PPFIA2: variants seen among roughly 807,000 people sequenced by gnomAD.
The protein encoded by PPFIA2 is liprin-alpha-2.
A neutral mutation model predicts 175.5 loss-of-function variants in PPFIA2; 46 were observed. That is an observed-to-expected ratio of 0.26 (90% CI 0.21 to 0.34). The LOEUF is 0.34. PPFIA2 is among the 10% of genes least tolerant of loss of function. PPFIA2 has a pLI of 1.00. For synonymous variants in PPFIA2, 568 were observed against 511.4 expected (o/e 1.11, Z -1.49); for missense variants, 1,179 against 1,506.1 (o/e 0.78, Z 3.60).
At chr12:81,361,658 T>C (rs889438231) in intron 15 of PPFIA2, among the ~76,000 whole-genome samples, 1 of 151,680 alleles carries the variant, frequency 6.6e-6, no homozygotes, top group African/African-American at 2.4e-5. Flanking sequence ...CAGATATTCA[T>C]TTATTCATTC....
intron 28 of PPFIA2, among the ~76,000 whole-genome samples, chr12:81,269,960 G>A (rs956535048): frequency 6.6e-6 from 1 of 151,946 alleles, no homozygotes; most frequent in Non-Finnish European, 1.5e-5. Context: ...ACAACACATC[G>A]GGTACAGGGT....
chr12:81,530,141 T>C (rs2064311314), intron 4 of PPFIA2, among the ~76,000 whole-genome samples: 1 of 151,992 alleles, frequency 6.6e-6, no homozygotes, highest in African/African-American at 2.4e-5. Flanking sequence ...CATTCCTTCA[T>C]GCATTGTCTG....
intron 22 of PPFIA2, among the ~76,000 whole-genome samples, chr12:81,310,185 C>T (rs2050414925): frequency 6.6e-6 from 1 of 152,006 alleles, no homozygotes; most frequent in African/African-American, 2.4e-5. Flanking sequence ...TTAGTAAGTA[C>T]AAAGAATATG....
In PPFIA2 at chr12:81,284,323, G is replaced by T. The variant is rs780257334; in HGVS notation, c.2926-20C>A. The stretch of plus-strand genomic sequence containing the variant: ...TGAAGGCTAGTGAGGAGGCCCAGAG[G>T]GAAGCAGAGGAATCCATGGGAGGCA... On this transcript the variant is annotated intron_variant, in intron 24 of 32. Coordinates refer to ENST00000549396, the MANE Select transcript of PPFIA2 (RefSeq NM_003625.5). 1.3e-6 allele frequency: 2 copies of T among 1,529,762 alleles called. No individual in the cohort carries two copies. The highest frequency in any genetic ancestry group is 2.3e-5 in the South Asian group (2 of 86,460). The allele number at this position is 1,529,762 out of a possible 1,614,324, so 94.8% of individuals were successfully genotyped here.
At chr12:81,709,237 T>A (rs1270519954) in intron 3 of PPFIA2, among the ~76,000 whole-genome samples, 1 of 152,112 alleles carries the variant, frequency 6.6e-6, no homozygotes, top group Non-Finnish European at 1.5e-5. Flanking sequence ...CATAAATGGC[T>A]CCTTTTCATT....
chr12:81,608,952 A>G (rs1440136289), intron 4 of PPFIA2, among the ~76,000 whole-genome samples: 1 of 151,926 alleles, frequency 6.6e-6, no homozygotes, highest in Non-Finnish European at 1.5e-5. Context: ...CCCTCTTAAC[A>G]TTGCTTCAGT....
intron 3 of PPFIA2, among the ~76,000 whole-genome samples, chr12:81,749,681 C>T (rs1341700682): frequency 2.8e-5 from 4 of 143,930 alleles, no homozygotes; most frequent in Non-Finnish European, 4.7e-5. Flanking sequence ...AAAACAAATG[C>T]AAGTAATTCC....
chr12:81,334,968 T>C lies in PPFIA2; in HGVS notation c.2548+4212A>G, dbSNP rs141592389. On this transcript the variant is annotated intron_variant, in intron 21 of 32. Transcript: ENST00000549396. ...GTGTGTTACCATCCTCTGGAATTGC[T>C]TTGACAGTACACAGCCTTTGGTGTC... Among the ~76,000 whole-genome samples the C allele has an allele frequency of 2.8e-3, 421 of 152,352 alleles. 1 individual carries two copies. The highest frequency in any genetic ancestry group is 9.8e-3 in the African/African-American group (407 of 41,590).
chr12:81,496,370 A>G (rs1045714706), intron 4 of PPFIA2, among the ~76,000 whole-genome samples: 1 of 152,184 alleles, frequency 6.6e-6, no homozygotes, highest in Admixed American at 6.6e-5. Flanking sequence ...ATTGCAGAAA[A>G]TTGCCAATAT....
intron 4 of PPFIA2, chr12:81,512,478 T>G (rs1475715779): frequency 2.5e-6 from 1 of 396,874 alleles, no homozygotes; most frequent in Admixed American, 5.4e-5. Flanking sequence ...TCATTAGTTT[T>G]TATTGCACTT....
At chr12:81,427,726 C>CTT (rs1245997709) in intron 7 of PPFIA2, among the ~76,000 whole-genome samples, 1 of 151,978 alleles carries the variant, frequency 6.6e-6, no homozygotes, top group African/African-American at 2.4e-5. Context: ...CAACTAATAA[C>CTT]TAATGTTTAC....
chr12:81,406,754 A>G lies in PPFIA2; in HGVS notation c.646-851T>C, dbSNP rs2043007493. ...ATTCCATGGCATATTTTATTGTATT[A>G]TCAACTCAGATAGTAGTCAATATTA... On this transcript the variant is annotated intron_variant, in intron 7 of 32. Coordinates refer to ENST00000549396, the MANE Select transcript of PPFIA2 (RefSeq NM_003625.5). 4.6e-5 allele frequency among the ~76,000 whole-genome samples: 7 copies of G among 152,218 alleles called. No individual in the cohort carries two copies. The South Asian group carries it at 1.5e-3, about 32-fold the overall frequency.
chr12:81,677,708 G>A (rs117614217), intron 3 of PPFIA2, among the ~76,000 whole-genome samples: 3,614 of 151,952 alleles, frequency 0.024, 67 homozygotes, highest in Non-Finnish European at 0.04. Flanking sequence ...TACACATAGA[G>A]TATAAAAATA....
intron 4 of PPFIA2, among the ~76,000 whole-genome samples, chr12:81,572,976 CA>C (rs2072842035): frequency 6.6e-6 from 1 of 151,268 alleles, no homozygotes; most frequent in Non-Finnish European, 1.5e-5. Context: ...TATTTTAATG[CA>C]ACAAAGAAAG....
Position 81,599,730 on chromosome 12 carries a change from G to T in PPFIA2, c.303+77061C>A, listed in dbSNP as rs557693587. 4.6e-5 allele frequency among the ~76,000 whole-genome samples: 7 copies of T among 151,984 alleles called. No homozygotes were observed. In the East Asian group the frequency reaches 1.4e-3, roughly 29 times the overall value. On this transcript the variant is annotated intron_variant, in intron 4 of 32. Transcript: ENST00000549396. ...CTTTGTATTTTAGGTTCAAATTCAGGATACCATATTTACTTAGTTGTCATG... is the reference window on the plus strand; with the variant it reads ...CTTTGTATTTTAGGTTCAAATTCAGTATACCATATTTACTTAGTTGTCATG...
At chr12:81,753,123 T>C (rs941151555) in intron 3 of PPFIA2, among the ~76,000 whole-genome samples, 3 of 151,936 alleles carry the variant, frequency 2.0e-5, no homozygotes, top group African/African-American at 7.2e-5. Context: ...TTAGTAGAGA[T>C]GGGGTTTCAC....
intron 27 of PPFIA2, among the ~76,000 whole-genome samples, chr12:81,277,993 A>G (rs920400754): frequency 4.6e-5 from 7 of 152,218 alleles, no homozygotes; most frequent in African/African-American, 1.7e-4. Context: ...TCCTTAAAGT[A>G]TCAAGTAGCA....
At chr12:81,326,800 T>A (rs1320273490) in intron 21 of PPFIA2, among the ~76,000 whole-genome samples, 1 of 152,056 alleles carries the variant, frequency 6.6e-6, no homozygotes, top group African/African-American at 2.4e-5. Context: ...AGGTATATAC[T>A]TTTTTTAATA....
At chr12:81,392,183 G>A (rs1057461886) in intron 8 of PPFIA2, among the ~76,000 whole-genome samples, 1 of 151,874 alleles carries the variant, frequency 6.6e-6, no homozygotes, top group African/African-American at 2.4e-5. Flanking sequence ...CATATTCTTT[G>A]AATGGATTGA....
Sources: gnomAD v4.1 joint callset for allele counts (sites outside exome capture counted in the v4.1 genomes callset) on GRCh38, gnomAD v4.1.1 for gene constraint, MANE v1.5 for transcripts, NCBI Gene and HGNC (gene_info 2026-07-23, HGNC 2026-07-21) for gene names.